Variants in BAIAP2L1 observed in about 807,000 individuals in gnomAD.
BAIAP2L1 encodes the protein BAR/IMD domain-containing adapter protein 2-like 1.
In BAIAP2L1, 35 loss-of-function variants were observed where a neutral mutation model predicts 66.3. The ratio of observed to expected loss-of-function variants is 0.53; its 90% CI spans 0.40 to 0.70. BAIAP2L1 has a LOEUF of 0.70. Ranked by LOEUF, BAIAP2L1 falls within the 30% of genes least tolerant of loss-of-function variation. BAIAP2L1 has a pLI of 0.00. For missense variants in BAIAP2L1, 622 were observed against 656.9 expected, an observed-to-expected ratio of 0.95 and a Z score of 0.58; for synonymous variants, 269 against 248.7, an observed-to-expected ratio of 1.08 and a Z score of -0.77.
chr7:98,313,144 ACCCC>A (rs1800935088), intron 7 of BAIAP2L1, among the ~76,000 whole-genome samples: 1 of 131,254 alleles, frequency 7.6e-6, no homozygotes, highest in Non-Finnish European at 1.6e-5. Context: ...CCCAACTGTC[ACCCC>A]ACCCCCAACT....
intron 3 of BAIAP2L1, among the ~76,000 whole-genome samples, chr7:98,348,035 T>A (rs1212568278): frequency 6.6e-6 from 1 of 151,954 alleles, no homozygotes; most frequent in Non-Finnish European, 1.5e-5. Context: ...ATATCTAATG[T>A]AGATGACCGG....
chr7:98,400,689 G>A (rs1803348070), intron 1 of BAIAP2L1, 113 bp downstream of exon 1: 2 of 1,247,138 alleles, frequency 1.6e-6, no homozygotes, highest in African/African-American at 3.0e-5. Context: ...AGAGGTGGAA[G>A]GACGCGGGGG....
chr7:98,313,982 C>CTTTTTTTTTT (rs35599338), intron 7 of BAIAP2L1, among the ~76,000 whole-genome samples: 1 of 100,940 alleles, frequency 9.9e-6, no homozygotes, highest in African/African-American at 3.7e-5. Context: ...CTTTTTCTTC[C>CTTTTTTTTTT]TTTTTTTTTT....
chr7:98,394,328 A>G (rs1322011341), intron 1 of BAIAP2L1, among the ~76,000 whole-genome samples: 13 of 152,186 alleles, frequency 8.5e-5, no homozygotes, highest in Non-Finnish European at 1.8e-4. Context: ...TTTAGAGTCT[A>G]ATGAACTTCA....
At chr7:98,361,061 C>CA (rs1204478106) in intron 2 of BAIAP2L1, among the ~76,000 whole-genome samples, 7 of 151,904 alleles carry the variant, frequency 4.6e-5, no homozygotes, top group South Asian at 2.1e-4. Context: ...ACCAGTATGG[C>CA]AAAAAAGATA....
At chr7:98,386,962 G>T (rs1802909990) in intron 1 of BAIAP2L1, among the ~76,000 whole-genome samples, 1 of 152,072 alleles carries the variant, frequency 6.6e-6, no homozygotes, top group Admixed American at 6.6e-5. Context: ...GCCTCCCAAA[G>T]TGCTGGGATT....
At chr7:98,347,593 G>T (rs1404554810) in intron 3 of BAIAP2L1, among the ~76,000 whole-genome samples, 1 of 151,966 alleles carries the variant, frequency 6.6e-6, no homozygotes. Flanking sequence ...GGCTAACATG[G>T]TGAAAACCCG....
At chr7:98,336,119 G>T (rs1163802011) in intron 3 of BAIAP2L1, among the ~76,000 whole-genome samples, 1 of 139,486 alleles carries the variant, frequency 7.2e-6, no homozygotes, top group Non-Finnish European at 1.5e-5. Context: ...ATAAAGATGG[G>T]AACAACAGAC....
chr7:98,303,308 G>T (rs1800502274), intron 12 of BAIAP2L1, among the ~76,000 whole-genome samples: 1 of 152,104 alleles, frequency 6.6e-6, no homozygotes, highest in Non-Finnish European at 1.5e-5. Flanking sequence ...AAGGTATAGG[G>T]GCCTGGCTCC....
intron 1 of BAIAP2L1, among the ~76,000 whole-genome samples, chr7:98,387,537 A>T (rs1802924257): frequency 6.6e-6 from 1 of 152,144 alleles, no homozygotes; most frequent in African/African-American, 2.4e-5. Flanking sequence ...TTGAGTTCTT[A>T]CTATGCGCCA....
chr7:98,302,284 T>C (rs1800461679), intron 12 of BAIAP2L1, among the ~76,000 whole-genome samples: 2 of 152,250 alleles, frequency 1.3e-5, no homozygotes, highest in Non-Finnish European at 2.9e-5. Flanking sequence ...CGTTTTCATT[T>C]TCTAACACTG....
intron 2 of BAIAP2L1, among the ~76,000 whole-genome samples, chr7:98,356,047 T>G (rs957490862): frequency 5.9e-5 from 9 of 152,166 alleles, no homozygotes; most frequent in African/African-American, 1.9e-4. Flanking sequence ...AAGAAAACTT[T>G]TATTGCTACA....
At position 98,329,713 on chromosome 7, in the gene BAIAP2L1, T is replaced by TAAA. The variant is rs36085425; in HGVS notation, c.215-9418_215-9416dup. On this transcript the variant is annotated intron_variant, in intron 3 of 13. Transcript: ENST00000005260. The stretch of plus-strand genomic sequence containing the variant: ...TCTTCCTGTCTCAAGTAAAGGGATT[T>TAAA]AAAAAAAAAAAGACTCAGAAACTCT... Among the ~76,000 whole-genome samples, 173 of 147,010 alleles carry TAAA rather than the reference T, an allele frequency of 1.2e-3. 1 individual carries two copies. Among genetic ancestry groups the TAAA allele is most frequent in the Non-Finnish European group, 1.9e-3 (125 of 66,742 alleles).
intron 3 of BAIAP2L1, among the ~76,000 whole-genome samples, chr7:98,326,491 C>A (rs529507278): frequency 1.3e-5 from 2 of 152,132 alleles, no homozygotes; most frequent in African/African-American, 4.8e-5. Context: ...AACTAACTAG[C>A]GGGTATGCCA....
intron 12 of BAIAP2L1, among the ~76,000 whole-genome samples, chr7:98,298,316 T>C (rs1800273088): frequency 6.7e-6 from 1 of 149,632 alleles, no homozygotes; most frequent in South Asian, 2.1e-4. Context: ...AAAAATGCTT[T>C]TAAAAAACAT....
intron 3 of BAIAP2L1, among the ~76,000 whole-genome samples, chr7:98,352,755 TACCA>T (rs1182051482): frequency 1.3e-5 from 2 of 152,204 alleles, no homozygotes; most frequent in East Asian, 3.9e-4. Context: ...GTGTTGTTTA[TACCA>T]ACATCGTTGC....
chr7:98,316,099 T>C lies in BAIAP2L1; in HGVS notation c.487-487A>G, dbSNP rs145576432. 3.3e-3 allele frequency among the ~76,000 whole-genome samples: 499 copies of C among 152,278 alleles called. 3 individuals carry two copies. Among genetic ancestry groups the C allele is most frequent in the African/African-American group, 0.011 (473 of 41,556 alleles). On this transcript the variant is annotated intron_variant, in intron 6 of 13. Transcript: ENST00000005260. ...GGGGCAGGTCTTTCCCATGCCATTC[T>C]TGTGATAGTGAATAAGTCTCACAAG...
intron 2 of BAIAP2L1, among the ~76,000 whole-genome samples, chr7:98,357,937 G>A (rs538620796): frequency 2.6e-5 from 4 of 152,196 alleles, no homozygotes; most frequent in South Asian, 2.1e-4. Flanking sequence ...CTTTGGTCTC[G>A]TCTAGAACTA....
At chr7:98,299,361 T>C (rs867153204) in intron 12 of BAIAP2L1, among the ~76,000 whole-genome samples, 1 of 151,990 alleles carries the variant, frequency 6.6e-6, no homozygotes, top group Non-Finnish European at 1.5e-5. Context: ...TCCCACTATA[T>C]TGCCCAGGCT....
Sources: gnomAD v4.1 joint callset for allele counts (sites outside exome capture counted in the v4.1 genomes callset) on GRCh38, gnomAD v4.1.1 for gene constraint, MANE v1.5 for transcripts, NCBI Gene and HGNC (gene_info 2026-07-23, HGNC 2026-07-21) for gene names.